RTN4: variants seen among roughly 807,000 people sequenced by gnomAD.
RTN4 encodes reticulon 4.
RTN4 carries 32 observed loss-of-function variants against 90.4 expected under a neutral mutation model. That is an observed-to-expected ratio of 0.35 (90% confidence interval 0.27 to 0.48). The LOEUF is 0.48. Ranked by LOEUF, RTN4 falls within the 20% of genes least tolerant of loss-of-function variation. The pLI is 0.99. For missense variants in RTN4, 1,706 were observed against 1,430.2 expected (o/e 1.19, Z -3.11); for synonymous variants, 629 against 552.5 (o/e 1.14, Z -1.94).
intron 1 of RTN4, among the ~76,000 whole-genome samples, chr2:55,036,599 C>CAAAAAAAA (rs71410411): frequency 8.2e-5 from 6 of 72,976 alleles, no homozygotes; most frequent in East Asian, 4.0e-4. Flanking sequence ...AAGACTGTCT[C>CAAAAAAAA]AAAAAAAAAA....
At chr2:55,067,337 T>C (rs920527215) in intron 2 of RTN4, among the ~76,000 whole-genome samples, 14 of 152,244 alleles carry the variant, frequency 9.2e-5, no homozygotes, top group Non-Finnish European at 1.5e-4. Context: ...ATGGAGTCAT[T>C]AATGTTTTTA....
intron 1 of RTN4, among the ~76,000 whole-genome samples, chr2:55,092,975 C>G (rs575685976): frequency 1.3e-5 from 2 of 152,214 alleles, no homozygotes; most frequent in Non-Finnish European, 2.9e-5. Flanking sequence ...TTTCACTTAT[C>G]TATTCAGTGT....
intron 1 of RTN4, among the ~76,000 whole-genome samples, chr2:55,044,707 C>T (rs1683298018): frequency 1.4e-5 from 2 of 143,716 alleles, no homozygotes; most frequent in East Asian, 4.2e-4. Context: ...AACACTATTC[C>T]ATGCAGTTAT....
At position 54,987,615 on chromosome 2, in the gene RTN4, C is replaced by T; in HGVS notation, c.3097G>A (p.Val1033Ile). The change falls in exon 4 of 9, where the codon GTA becomes ATA. Residue 1033 changes from valine (V) to isoleucine (I), a missense_variant. Transcript: ENST00000337526. ...GCTGTTACGCTCACAATGCTGAATA[C>T]TGTCAATGAAAGCAGCAGGAATAGG... ...ASLFLLLSLT[V>I]FSIVSVTAYI... 3 of 1,614,150 alleles carry T rather than the reference C, an allele frequency of 1.9e-6. No individual in the cohort carries two copies. Among genetic ancestry groups the T allele is most frequent in the Non-Finnish European group, 2.5e-6 (3 of 1,179,992 alleles).
chr2:55,131,713 G>C, the RTN4 span, among the ~76,000 whole-genome samples: 1 of 151,894 alleles, frequency 6.6e-6, no homozygotes, highest in African/African-American at 2.4e-5. Flanking sequence ...GTGAAACCCT[G>C]TCTCTACTAA....
chr2:55,032,886 G>T (rs1017266383), intron 1 of RTN4, among the ~76,000 whole-genome samples: 2 of 151,724 alleles, frequency 1.3e-5, no homozygotes, highest in African/African-American at 4.8e-5. Context: ...AAAATTAGCC[G>T]GTGTAGTGGT....
intron 1 of RTN4, among the ~76,000 whole-genome samples, chr2:55,100,564 G>T (rs1385704963): frequency 6.6e-6 from 1 of 152,036 alleles, no homozygotes; most frequent in Non-Finnish European, 1.5e-5. Context: ...TTCCTTGGTG[G>T]TCCATTAGAC....
At chr2:55,117,526 C>T (rs1668146089), upstream of RTN4, among the ~76,000 whole-genome samples, 1 of 152,194 alleles carries the variant, frequency 6.6e-6, no homozygotes, top group South Asian at 2.1e-4. Context: ...TTAATTTTAA[C>T]TTGCTGTAAT....
At chr2:55,050,924 T>C (rs1189215861), upstream of RTN4, 20 of 152,038 alleles carry the variant, frequency 1.3e-4, no homozygotes, top group Admixed American at 1.3e-3. This position sits in a 1 kb window ranked among gnomAD's most constrained non-coding sequence, Gnocchi z 4.6. Context: ...CTGGGGGAAC[T>C]GAGAGTGGAA....
chr2:55,097,276 T>A (rs1175448821), intron 1 of RTN4, among the ~76,000 whole-genome samples: 3 of 144,078 alleles, frequency 2.1e-5, no homozygotes, highest in Non-Finnish European at 4.5e-5. Flanking sequence ...CACTCCAGCC[T>A]GGATGACAGA....
At chr2:55,081,128 G>A (rs1057112412) in intron 1 of RTN4, among the ~76,000 whole-genome samples, 14 of 152,016 alleles carry the variant, frequency 9.2e-5, no homozygotes, top group South Asian at 6.2e-4. Context: ...AGGCTGGAGC[G>A]CAGTGGCATG....
chr2:55,111,176 T>C (rs977600142), intron 1 of RTN4, among the ~76,000 whole-genome samples: 1 of 152,196 alleles, frequency 6.6e-6, no homozygotes, highest in Non-Finnish European at 1.5e-5. Context: ...GGAAATTTGC[T>C]AGCTGCAAAG....
intron 3 of RTN4, among the ~76,000 whole-genome samples, chr2:55,020,947 A>C (rs1436914058): frequency 6.6e-6 from 1 of 152,122 alleles, no homozygotes; most frequent in Non-Finnish European, 1.5e-5. Flanking sequence ...AGTGAGCCAT[A>C]ATCTCACCAC....
In RTN4 at chr2:55,050,012, C is replaced by T; in HGVS notation, c.289G>A (p.Ala97Thr). Residue 97 changes from alanine to threonine, a missense_variant, in exon 1 of 9, where the codon GCT becomes ACT. Physicochemically the swap from Ala to Thr is moderately conservative, Grantham distance 58 (BLOSUM62 0). Coordinates refer to ENST00000337526, the MANE Select transcript of RTN4 (RefSeq NM_020532.5). This position sits in a 1 kb window ranked among gnomAD's most constrained non-coding sequence, Gnocchi z 4.6. ...TGCCGCTCCGGGGCGACGGGGGGAG[C>T]GGCCGGCAGGGGTCCCCGGGGCGCC... ...PPAPRGPLPA[A>T]PPVAPERQPS... 1 of 1,379,740 alleles carries T rather than the reference C, an allele frequency of 7.2e-7. No homozygotes were observed. Among genetic ancestry groups the T allele is most frequent in the Non-Finnish European group, 9.3e-7 (1 of 1,073,890 alleles). 85.5% of individuals were successfully genotyped at this position (1,379,740 alleles called of 1,614,324 possible).
intron 5 of RTN4, among the ~76,000 whole-genome samples, chr2:54,975,667 T>C (rs114449013): frequency 1.2e-3 from 187 of 152,364 alleles, no homozygotes; most frequent in African/African-American, 4.3e-3. Flanking sequence ...AGTGGTTTGC[T>C]AACCCTTGAT....
At chr2:55,021,565 C>T (rs1681445410) in intron 3 of RTN4, among the ~76,000 whole-genome samples, 2 of 151,890 alleles carry the variant, frequency 1.3e-5, no homozygotes, top group African/African-American at 4.8e-5. Context: ...TCAAGCTATC[C>T]TCCCACCTCT....
chr2:55,077,651 A>C (rs1199539486), intron 2 of RTN4, among the ~76,000 whole-genome samples: 1 of 152,094 alleles, frequency 6.6e-6, no homozygotes, highest in Non-Finnish European at 1.5e-5. Flanking sequence ...ATTATATGAA[A>C]AAGATACCTG....
At chr2:55,019,470 C>T (rs1229515861) in intron 3 of RTN4, among the ~76,000 whole-genome samples, 3 of 152,110 alleles carry the variant, frequency 2.0e-5, no homozygotes, top group Non-Finnish European at 4.4e-5. Flanking sequence ...CCCAGACGGT[C>T]AAAATTAACA....
Position 54,982,559 on chromosome 2 carries a change from G to C in RTN4, c.3316C>G (p.Leu1106Val). Reference sequence around the variant, plus strand: ...TCATCAACTAAGAAGAGGCGCCTGAGTTCCTTTATCGTGCAGTTCACATGA... The same window carrying C: ...TCATCAACTAAGAAGAGGCGCCTGACTTCCTTTATCGTGCAGTTCACATGA... Reference protein sequence around the residue: ...LGHVNCTIKELRRLFLVDDLV... With the variant: ...LGHVNCTIKEVRRLFLVDDLV... Residue 1106 changes from leucine (L) to valine (V), a missense_variant, in exon 5 of 9, where the codon CTC becomes GTC. Leu to Val is a conservative substitution (Grantham distance 32). Transcript: ENST00000337526. 6.2e-7 allele frequency: 1 copy of C among 1,613,476 alleles called. No individual in the cohort carries two copies. The highest frequency in any genetic ancestry group is 8.5e-7 in the Non-Finnish European group (1 of 1,179,830).
Sources: allele counts gnomAD v4.1 joint callset (sites outside exome capture counted in the v4.1 genomes callset), GRCh38; gene constraint gnomAD v4.1.1; non-coding constraint Gnocchi (gnomAD v3.1); transcripts MANE v1.5; gene names NCBI Gene and HGNC (gene_info 2026-07-23, HGNC 2026-07-21).